The following DHX15 variants were observed in gnomAD, a reference collection of about 807,000 sequenced individuals.
DHX15 encodes the protein ATP-dependent RNA helicase DHX15.
In DHX15, 11 loss-of-function variants were observed where a neutral mutation model predicts 94.4. The observed-to-expected ratio is 0.12, with a 90% CI of 0.07 to 0.19. DHX15 has a LOEUF of 0.19. DHX15 is among the 10% of genes least tolerant of loss of function. DHX15 has a pLI of 1.00. For synonymous variants in DHX15, 338 were observed against 329.9 expected (o/e 1.02, Z -0.27); for missense variants, 304 against 988.5 (o/e 0.31, Z 9.29).
chr4:24,555,695 A>T (rs1356058734), intron 4 of DHX15, among the ~76,000 whole-genome samples: 3 of 152,198 alleles, frequency 2.0e-5, no homozygotes, highest in Non-Finnish European at 4.4e-5. Flanking sequence ...AAAAAGGGGA[A>T]CATCATAGAC....
chr4:24,534,087 A>G lies in DHX15; in HGVS notation c.1910-1033T>C, dbSNP rs181329526. On this transcript the variant is annotated intron_variant, in intron 11 of 13. Coordinates refer to ENST00000336812, the MANE Select transcript of DHX15 (RefSeq NM_001358.3). Reference sequence around the variant, plus strand: ...TAAGGATGGGTGAGGTGGAGATAGGAAATAGATTTTTGAATTAAAGAATAC... The same window carrying G: ...TAAGGATGGGTGAGGTGGAGATAGGGAATAGATTTTTGAATTAAAGAATAC... 9 of 152,352 alleles carry G rather than the reference A, an allele frequency of 5.9e-5. No individual in the cohort carries two copies. The East Asian group carries it at 1.7e-3, about 29-fold the overall frequency. The allele number at this position is 152,352 out of a possible 1,614,324, so 9.4% of individuals were successfully genotyped here.
At chr4:24,574,760 G>A (rs1448840834) in intron 2 of DHX15, among the ~76,000 whole-genome samples, 1 of 152,104 alleles carries the variant, frequency 6.6e-6, no homozygotes, top group East Asian at 1.9e-4. Flanking sequence ...AAACGTAAAT[G>A]AGCTAATACA....
chr4:24,557,198 G>C (rs996165726), intron 3 of DHX15, among the ~76,000 whole-genome samples: 1 of 152,160 alleles, frequency 6.6e-6, no homozygotes, highest in African/African-American at 2.4e-5. Context: ...TAACTTTGCA[G>C]GGGTCAGCTA....
At chr4:24,541,804 T>C (rs1721319072) in intron 8 of DHX15, 69 bp downstream of exon 8, 4 of 1,417,698 alleles carry the variant, frequency 2.8e-6, no homozygotes, top group Non-Finnish European at 9.4e-7. Context: ...AATAAGGCAA[T>C]GTTCTTCTGG....
chr4:24,541,302 CT>C, intron 8 of DHX15, among the ~76,000 whole-genome samples: 1 of 152,214 alleles, frequency 6.6e-6, no homozygotes, highest in South Asian at 2.1e-4. Context: ...GTGCACCATT[CT>C]TAGTAGTATG....
chr4:24,546,678 GT>G (rs1318704367), intron 6 of DHX15, among the ~76,000 whole-genome samples: 1 of 152,038 alleles, frequency 6.6e-6, no homozygotes, highest in Non-Finnish European at 1.5e-5. Context: ...TTAAAAGGCT[GT>G]TTTTTATTAG....
chr4:24,551,626 AT>A (rs1248698610), intron 5 of DHX15, among the ~76,000 whole-genome samples: 2 of 152,278 alleles, frequency 1.3e-5, no homozygotes, highest in Non-Finnish European at 2.9e-5. Flanking sequence ...GCGAACAAAT[AT>A]TTTTTGAAAA....
rs759583639 is a variant in DHX15 at position 24,546,728 on chromosome 4, AAT to A, written c.1248+2125_1248+2126del. 3.0e-4 allele frequency among the ~76,000 whole-genome samples: 46 copies of A among 152,336 alleles called. 1 individual carries two copies. The highest frequency in any genetic ancestry group is 2.5e-3 in the Admixed American group (38 of 15,306). ...TTATAAAATCTATTTTTCATAAACTAATAGAGAAATAAGAAATGGCACTGCCT... is the reference window on the plus strand; with the variant it reads ...TTATAAAATCTATTTTTCATAAACTAAGAGAAATAAGAAATGGCACTGCCT... On this transcript the variant is annotated intron_variant, in intron 6 of 13. Transcript: ENST00000336812.
intron 5 of DHX15, among the ~76,000 whole-genome samples, chr4:24,550,123 A>AAAAAAAAAAC (rs1721560725): frequency 7.6e-6 from 1 of 131,744 alleles, no homozygotes; most frequent in African/African-American, 2.7e-5. Context: ...AAAAAAAAAA[A>AAAAAAAAAAC]CGGTAAAAAT....
intron 1 of DHX15, among the ~76,000 whole-genome samples, chr4:24,582,782 G>A (rs1052562893): frequency 1.3e-5 from 2 of 152,124 alleles, no homozygotes; most frequent in African/African-American, 2.4e-5. Context: ...TCTTTTTTAA[G>A]TTGCTTCCAG....
intron 5 of DHX15, among the ~76,000 whole-genome samples, chr4:24,553,699 C>T (rs1721660344): frequency 6.6e-6 from 1 of 151,684 alleles, no homozygotes; most frequent in South Asian, 2.1e-4. Context: ...ATCGCTTGAA[C>T]CCGGGAGGCA....
chr4:24,554,045 T>C (rs1560768500), intron 5 of DHX15, among the ~76,000 whole-genome samples: 1 of 151,422 alleles, frequency 6.6e-6, no homozygotes, highest in Non-Finnish European at 1.5e-5. Flanking sequence ...GGTGAAACCC[T>C]GTCTCTACTA....
In DHX15 at chr4:24,565,072, A is replaced by C. The variant is rs536051891; in HGVS notation, c.701+5582T>G. The stretch of plus-strand genomic sequence containing the variant: ...CTAAAAATATATTGCCTATTCCTCA[A>C]ATTTTCACAAGTTTTAAAGGGAATA... On this transcript the variant is annotated intron_variant, in intron 3 of 13. Coordinates refer to ENST00000336812, the MANE Select transcript of DHX15 (RefSeq NM_001358.3). Among the ~76,000 whole-genome samples, 5 of 152,354 alleles carry C rather than the reference A, an allele frequency of 3.3e-5. No homozygotes were observed. In the East Asian group the frequency reaches 9.6e-4, roughly 29 times the overall value.
chr4:24,577,927 G>A (rs538565680), intron 1 of DHX15, among the ~76,000 whole-genome samples: 182 of 152,244 alleles, frequency 1.2e-3, no homozygotes, highest in Non-Finnish European at 2.3e-3. Context: ...CACAAGCCCC[G>A]AAACATGTCA....
intron 3 of DHX15, among the ~76,000 whole-genome samples, chr4:24,564,453 T>G (rs577252762): frequency 6.6e-6 from 1 of 152,266 alleles, no homozygotes; most frequent in South Asian, 2.1e-4. Flanking sequence ...TTGATACTAT[T>G]TGCTACTGGC....
chr4:24,555,324 T>C (rs1428075977), intron 4 of DHX15, among the ~76,000 whole-genome samples: 1 of 150,284 alleles, frequency 6.7e-6, no homozygotes, highest in Non-Finnish European at 1.5e-5. Context: ...AAAAAATAAG[T>C]GGACCAGATA....
At chr4:24,572,057 A>G (rs1722133059) in intron 2 of DHX15, among the ~76,000 whole-genome samples, 1 of 152,248 alleles carries the variant, frequency 6.6e-6, no homozygotes, top group Admixed American at 6.5e-5. Flanking sequence ...TCAAAGATCT[A>G]GAAAGTGAAA....
chr4:24,583,232 A>G lies in DHX15; in HGVS notation c.71+1091T>C, dbSNP rs1045561353. ...CCAAACAGGTCTTTGTACTTCATCA[A>G]TGAAAACACACAAGGGACAAGAAAT... On this transcript the variant is annotated intron_variant, in intron 1 of 13. Transcript: ENST00000336812. 2.6e-5 allele frequency among the ~76,000 whole-genome samples: 4 copies of G among 152,334 alleles called. No homozygotes were observed. The East Asian group carries it at 5.8e-4, about 22-fold the overall frequency.
At chr4:24,556,542 G>T (rs1199089969) in intron 3 of DHX15, 132 bp from the exon 4 acceptor site, 23 of 697,000 alleles carry the variant, frequency 3.3e-5, no homozygotes, top group Non-Finnish European at 2.3e-6. Context: ...ATGTGCTACT[G>T]TTTCATGATC....
Sources: gnomAD v4.1 joint callset for allele counts (sites outside exome capture counted in the v4.1 genomes callset) on GRCh38, gnomAD v4.1.1 for gene constraint, MANE v1.5 for transcripts, NCBI Gene and HGNC (gene_info 2026-07-23, HGNC 2026-07-21) for gene names.